HTATIP2: variants seen among roughly 807,000 people sequenced by gnomAD.
HTATIP2 encodes the protein protein HTATIP2.
Under a neutral mutation model 24.7 loss-of-function variants are expected in HTATIP2, and 26 were observed. The observed-to-expected ratio is 1.05, with a 90% CI of 0.77 to 1.46. HTATIP2 has a LOEUF of 1.46. HTATIP2 is among the 40% of genes most tolerant of loss of function. HTATIP2 has a pLI of 0.00. For synonymous variants in HTATIP2, 99 were observed against 113.2 expected (o/e 0.87, Z 0.79); for missense variants, 284 against 289.6 (o/e 0.98, Z 0.14).
chr11:20,376,262 G>T, intron 2 of HTATIP2: 1 of 302,210 alleles, frequency 3.3e-6, no homozygotes, highest in African/African-American at 2.2e-5. Context: ...AAAAAAGTCT[G>T]GCTTAAAAGT....
chr11:20,364,676 A>G (rs1041670149), intron 1 of HTATIP2, among the ~76,000 whole-genome samples: 1 of 152,078 alleles, frequency 6.6e-6, no homozygotes, highest in Non-Finnish European at 1.5e-5. Context: ...CTGCAACCCT[A>G]TAAAGCTGGG....
intron 2 of HTATIP2, among the ~76,000 whole-genome samples, chr11:20,371,211 G>GT (rs71063624): frequency 0.91 from 138,452 of 152,062 alleles, 63,360 homozygotes; most frequent in South Asian, 0.99. Context: ...AATCTCTGTT[G>GT]TTTATTTGAT....
chr11:20,364,102 G>A lies in HTATIP2; in HGVS notation c.-136G>A. 2 of 1,428,378 alleles carry A rather than the reference G, an allele frequency of 1.4e-6. No homozygotes were observed. The highest frequency in any genetic ancestry group is 1.6e-5 in the South Asian group (1 of 61,486). 88.5% of individuals were successfully genotyped at this position (1,428,378 alleles called of 1,614,324 possible). ...GGAGCCGCGCCCCGCACGTGACTCA[G>A]CACTTTCCCCAGAGCCCGGACTGCG... On this transcript the variant is annotated 5_prime_UTR_variant, in exon 1 of 5. Transcript: ENST00000451739.
intron 2 of HTATIP2, among the ~76,000 whole-genome samples, chr11:20,374,435 A>C (rs1468414631): frequency 6.6e-6 from 1 of 152,238 alleles, no homozygotes; most frequent in African/African-American, 2.4e-5. Context: ...ACAGAGCTGC[A>C]TTCCTTTCTG....
chr11:20,376,496 C>A, intron 2 of HTATIP2, 84 bp from the exon 3 acceptor site: 1 of 1,481,162 alleles, frequency 6.8e-7, no homozygotes, highest in Non-Finnish European at 9.4e-7. Flanking sequence ...TCTAGGCCTC[C>A]CAGCCTGCTA....
intron 3 of HTATIP2, among the ~76,000 whole-genome samples, chr11:20,377,202 C>T (rs1848460332): frequency 6.6e-6 from 1 of 150,798 alleles, no homozygotes; most frequent in African/African-American, 2.4e-5. Flanking sequence ...CAGCCTCTGC[C>T]CCGCCAAGTA....
At chr11:20,367,503 C>T (rs887117150) in intron 2 of HTATIP2, 44 of 1,439,892 alleles carry the variant, frequency 3.1e-5, no homozygotes, top group African/African-American at 1.9e-4. Flanking sequence ...GTGCTGGAGA[C>T]GTCGTAAATA....
At chr11:20,376,177 A>G (rs2055249) in intron 2 of HTATIP2, 153,637 of 197,904 alleles carry the variant, frequency 0.78, 62,971 homozygotes, top group Non-Finnish European at 0.9. Context: ...GTCCTCACCC[A>G]TACTCGGAGA....
At chr11:20,379,789 G>C (rs1421950078) in intron 3 of HTATIP2, among the ~76,000 whole-genome samples, 1 of 152,150 alleles carries the variant, frequency 6.6e-6, no homozygotes, top group Non-Finnish European at 1.5e-5. Flanking sequence ...TATCATCCTT[G>C]ACCTCAAGGA....
chr11:20,379,417 A>C (rs1405956640), intron 3 of HTATIP2, among the ~76,000 whole-genome samples: 1 of 152,246 alleles, frequency 6.6e-6, no homozygotes, highest in Non-Finnish European at 1.5e-5. Flanking sequence ...TCTTTCCAAA[A>C]TAATCCTTCA....
chr11:20,374,753 C>T (rs1238556972), intron 2 of HTATIP2, among the ~76,000 whole-genome samples: 3 of 152,196 alleles, frequency 2.0e-5, no homozygotes, highest in African/African-American at 7.2e-5. Flanking sequence ...TATTTCTTCC[C>T]CTCATGCCAG....
intron 2 of HTATIP2, among the ~76,000 whole-genome samples, chr11:20,369,461 A>T (rs1402240024): frequency 6.6e-6 from 1 of 152,122 alleles, no homozygotes; most frequent in East Asian, 1.9e-4. Context: ...TCAGTGTATT[A>T]GTTTGCTAGG....
rs2064779022 is a variant in HTATIP2, at chr11:20,372,176, TG to T, written c.304-4401del. Among the ~76,000 whole-genome samples the T allele has an allele frequency of 2.6e-5, 4 of 152,266 alleles. No individual in the cohort carries two copies. The South Asian group carries it at 8.3e-4, about 32-fold the overall frequency. On this transcript the variant is annotated intron_variant, in intron 2 of 4. Transcript: ENST00000451739. ...GTTGCCAAGGCTAGACTCAAATTCC[TG>T]GGATCAAGCGATCTTCCTGCTTCAG...
At chr11:20,382,736 A>G (rs766293548) in intron 4 of HTATIP2, among the ~76,000 whole-genome samples, 25 of 152,194 alleles carry the variant, frequency 1.6e-4, no homozygotes, top group Non-Finnish European at 3.5e-4. Context: ...GAGACCTCTG[A>G]TGTCTCTTCC....
At chr11:20,370,200 C>T (rs914541476) in intron 2 of HTATIP2, among the ~76,000 whole-genome samples, 3 of 152,176 alleles carry the variant, frequency 2.0e-5, no homozygotes, top group East Asian at 1.9e-4. Context: ...TTTCTGGGTA[C>T]TGTGGTCCTG....
Position 20,364,162 on chromosome 11 carries a change from C to G in HTATIP2, c.-76C>G. The G allele has an allele frequency of 6.0e-6, 9 of 1,510,800 alleles. No homozygotes were observed. In the South Asian group the frequency reaches 1.2e-4, roughly 20 times the overall value. The allele number at this position is 1,510,800 out of a possible 1,614,324, so 93.6% of individuals were successfully genotyped here. On this transcript the variant is annotated 5_prime_UTR_variant, in exon 1 of 5. Transcript: ENST00000451739. ...ATCCTCCTCCCTAACAGATAAACAG[C>G]CCTTGTTCCTCGGGATAAGGACTGG...
intron 2 of HTATIP2, among the ~76,000 whole-genome samples, chr11:20,369,641 C>T (rs2064749676): frequency 6.6e-6 from 1 of 152,138 alleles, no homozygotes; most frequent in Admixed American, 6.5e-5. Context: ...CTTTGTGTCT[C>T]TTTACGTGGT....
Position 20,363,722 on chromosome 11 carries a change from C to G in HTATIP2, c.-516C>G. ...TGTGGGCGGGGCGAGGCAGCGTCGC[C>G]GCGAGGCCACCCGGAAGACCAAGCC... is the stretch of plus-strand genomic sequence containing the variant. On this transcript the variant is annotated 5_prime_UTR_variant, in exon 1 of 5. Coordinates refer to ENST00000451739, the MANE Select transcript of HTATIP2 (RefSeq NM_001098522.2). 1.6e-6 allele frequency: 2 copies of G among 1,230,528 alleles called. No individual in the cohort carries two copies. Among genetic ancestry groups the G allele is most frequent in the South Asian group, 8.5e-5 (2 of 23,520 alleles). The allele number at this position is 1,230,528 out of a possible 1,614,324, so 76.2% of individuals were successfully genotyped here.
chr11:20,382,199 G>C lies in HTATIP2; in HGVS notation c.463G>C (p.Glu155Gln). 6.3e-7 allele frequency: 1 copy of C among 1,595,412 alleles called. No individual in the cohort carries two copies. The highest frequency in any genetic ancestry group is 8.6e-7 in the Non-Finnish European group (1 of 1,163,050). ...ATAGGGAGAAGTAGAAGCCAAGGTT[G>C]AAGAATTAAAATTTGATCGTTACTC... is the stretch of plus-strand genomic sequence containing the variant. ...QVKGEVEAKV[E>Q]ELKFDRYSVF... The change falls in exon 4 of 5, where the codon GAA becomes CAA. Residue 155 changes from glutamate (E) to glutamine (Q), a missense_variant. Transcript: ENST00000451739.
Sources: allele counts gnomAD v4.1 joint callset (sites outside exome capture counted in the v4.1 genomes callset), GRCh38; gene constraint gnomAD v4.1.1; transcripts MANE v1.5; gene names NCBI Gene and HGNC (gene_info 2026-07-23, HGNC 2026-07-21).